Variants in PNLIPRP1 observed in about 807,000 individuals in gnomAD.
PNLIPRP1 encodes the protein pancreatic lipase related protein 1, also known as inactive pancreatic lipase-related protein 1.
PNLIPRP1 carries 57 observed loss-of-function variants against 54.6 expected under a neutral mutation model. The observed-to-expected ratio is 1.04, with a 90% CI of 0.84 to 1.30. PNLIPRP1 has a LOEUF of 1.30. PNLIPRP1 is among the 50% of genes most tolerant of loss of function. The probability of loss-of-function intolerance (pLI) is 0.00; values close to 1 mark genes in which losing one functional copy is unlikely to be tolerated. For missense variants in PNLIPRP1, 567 were observed against 568.5 expected, an observed-to-expected ratio of 1.00 and a Z score of 0.03; for synonymous variants, 232 against 208.8, an observed-to-expected ratio of 1.11 and a Z score of -0.96.
At chr10:116,599,170 G>T (rs1589573042) in intron 8 of PNLIPRP1, among the ~76,000 whole-genome samples, 1 of 151,850 alleles carries the variant, frequency 6.6e-6, no homozygotes, top group African/African-American at 2.4e-5. Context: ...CAGGAGAATC[G>T]CTTGAACCCA....
intron 10 of PNLIPRP1, 24 bp downstream of exon 10, chr10:116,601,225 C>A (rs781847508): frequency 1.2e-6 from 2 of 1,603,136 alleles, no homozygotes; most frequent in Non-Finnish European, 1.7e-6. Flanking sequence ...TGACTACCTG[C>A]CCATGTAAAG....
At chr10:116,599,521 A>G (rs570190865) in intron 8 of PNLIPRP1, among the ~76,000 whole-genome samples, 5 of 152,270 alleles carry the variant, frequency 3.3e-5, no homozygotes, top group African/African-American at 1.2e-4. Flanking sequence ...AAAACCACCT[A>G]AAGTTATCCA....
chr10:116,603,916 T>G (rs1213255846), intron 10 of PNLIPRP1, 114 bp from the exon 11 acceptor site: 3 of 524,108 alleles, frequency 5.7e-6, no homozygotes, highest in Non-Finnish European at 1.0e-5. Flanking sequence ...AATAATTTTT[T>G]AGAAAAGAAT....
intron 11 of PNLIPRP1, 101 bp downstream of exon 11, chr10:116,604,239 T>G: frequency 3.5e-6 from 2 of 572,358 alleles, no homozygotes; most frequent in Non-Finnish European, 6.2e-6. Context: ...ATGTCACTGG[T>G]TTTTAATTAT....
intron 12 of PNLIPRP1, 67 bp from the exon 13 acceptor site, chr10:116,608,986 A>G: frequency 1.1e-6 from 1 of 928,060 alleles, no homozygotes. Context: ...CCAAACCAAA[A>G]CAAAACAAAA....
rs550709292 is a variant in PNLIPRP1 at position 116,603,511 on chromosome 10, C to A, written c.1064-519C>A. ...GCCACATGTGGCTGGTGACCTCCTC[C>A]CTGGGCAATGCAGTTCTAGAGGGGG... On this transcript the variant is annotated intron_variant, in intron 10 of 12. Transcript: ENST00000358834. 1.7e-3 allele frequency among the ~76,000 whole-genome samples: 262 copies of A among 152,272 alleles called. 1 individual carries two copies. Among genetic ancestry groups the A allele is most frequent in the African/African-American group, 5.8e-3 (239 of 41,562 alleles).
intron 5 of PNLIPRP1, 88 bp downstream of exon 5, chr10:116,594,952 A>C: frequency 6.9e-7 from 1 of 1,448,534 alleles, no homozygotes; most frequent in East Asian, 2.4e-5. Flanking sequence ...TTATGGATTA[A>C]AGAAGGACAA....
chr10:116,596,800 C>T (rs1387943491), intron 6 of PNLIPRP1, among the ~76,000 whole-genome samples: 1 of 152,014 alleles, frequency 6.6e-6, no homozygotes, highest in African/African-American at 2.4e-5. Context: ...ATTCTTTTAA[C>T]CCAATCAAAG....
intron 6 of PNLIPRP1, among the ~76,000 whole-genome samples, chr10:116,597,150 G>A (rs548455283): frequency 8.8e-4 from 134 of 152,250 alleles, no homozygotes; most frequent in Non-Finnish European, 1.7e-3. Flanking sequence ...ATCAGCTGCT[G>A]TAATGAAGCC....
At chr10:116,601,570 A>T (rs1847840400) in intron 10 of PNLIPRP1, among the ~76,000 whole-genome samples, 1 of 152,172 alleles carries the variant, frequency 6.6e-6, no homozygotes, top group Non-Finnish European at 1.5e-5. Flanking sequence ...CGTAATTGGT[A>T]CCAGCTCTTT....
chr10:116,599,445 A>C (rs1479638559), intron 8 of PNLIPRP1, among the ~76,000 whole-genome samples: 2 of 152,178 alleles, frequency 1.3e-5, no homozygotes, highest in East Asian at 3.8e-4. Flanking sequence ...GTCACTTGGC[A>C]GGAGTTGCAG....
At chr10:116,598,841 G>A (rs963296138) in intron 8 of PNLIPRP1, among the ~76,000 whole-genome samples, 1 of 152,224 alleles carries the variant, frequency 6.6e-6, no homozygotes, top group Non-Finnish European at 1.5e-5. Flanking sequence ...ATCCAGACTT[G>A]TCATGTGGCA....
At chr10:116,591,253 C>A in intron 2 of PNLIPRP1, 75 bp downstream of exon 2, 2 of 1,196,282 alleles carry the variant, frequency 1.7e-6, no homozygotes, top group Non-Finnish European at 2.5e-6. Context: ...AAAGCTTTAA[C>A]TGTGGCAGGG....
At chr10:116,608,953 A>T in intron 12 of PNLIPRP1, 100 bp from the exon 13 acceptor site, 1 of 942,358 alleles carries the variant, frequency 1.1e-6, no homozygotes, top group Non-Finnish European at 1.7e-6. Flanking sequence ...TTAACCCCTT[A>T]AGAAAAACCA....
In PNLIPRP1 at chr10:116,608,303, C is replaced by T. The variant is rs1462493735; in HGVS notation, c.1341-750C>T. On this transcript the variant is annotated intron_variant, in intron 12 of 12. Transcript: ENST00000358834. ...CCAAAATCTTGATTTTCTTTAGCTTCCCAGTTACTAACTACATCCTTCCTC... is the reference window on the plus strand; with the variant it reads ...CCAAAATCTTGATTTTCTTTAGCTTTCCAGTTACTAACTACATCCTTCCTC... Among the ~76,000 whole-genome samples the T allele has an allele frequency of 3.9e-5, 6 of 152,148 alleles. No individual in the cohort carries two copies. In the East Asian group the frequency reaches 1.2e-3, roughly 29 times the overall value.
rs144811919 is a variant in PNLIPRP1, at chr10:116,592,315, G to A, written c.205-101G>A. On this transcript the variant is annotated intron_variant, in intron 3 of 12. Transcript: ENST00000358834. ...CATGGAAGAAGTGGCTTTTTGCTAA[G>A]CTTTGAAAAGTAGAGGCATTGGCGC... 939 of 1,385,090 alleles carry A rather than the reference G, an allele frequency of 6.8e-4. 1 individual carries two copies. The highest frequency in any genetic ancestry group is 8.5e-4 in the Non-Finnish European group (871 of 1,025,326). The allele number at this position is 1,385,090 out of a possible 1,614,324, so 85.8% of individuals were successfully genotyped here.
intron 12 of PNLIPRP1, 91 bp from the exon 13 acceptor site, chr10:116,608,962 C>A (rs1589579319): frequency 1.5e-6 from 1 of 664,020 alleles, no homozygotes; most frequent in Non-Finnish European, 2.3e-6. Flanking sequence ...TAAGAAAAAC[C>A]AAACCAAACC....
intron 8 of PNLIPRP1, 137 bp downstream of exon 8, chr10:116,598,303 GA>G (rs1325798603): frequency 1.1e-6 from 1 of 893,936 alleles, no homozygotes; most frequent in Admixed American, 3.0e-5. Context: ...GATTATTTCA[GA>G]AAAAATGTAG....
intron 4 of PNLIPRP1, 87 bp from the exon 5 acceptor site, chr10:116,594,643 A>G: frequency 5.6e-6 from 8 of 1,426,132 alleles, no homozygotes; most frequent in Non-Finnish European, 7.9e-6. Context: ...CTAGGAGAAG[A>G]GAGAAGTGGC....
Sources: gnomAD v4.1 joint callset for allele counts (sites outside exome capture counted in the v4.1 genomes callset) on GRCh38, gnomAD v4.1.1 for gene constraint, MANE v1.5 for transcripts, NCBI Gene and HGNC (gene_info 2026-07-23, HGNC 2026-07-21) for gene names.